Variants in SLC4A4 observed in about 807,000 individuals in gnomAD.
SLC4A4 encodes solute carrier family 4 member 4, also known as electrogenic sodium bicarbonate cotransporter 1.
In SLC4A4, 27 loss-of-function variants were observed where a neutral mutation model predicts 111.5. The observed-to-expected ratio is 0.24, with a 90% CI of 0.18 to 0.33. The LOEUF (loss-of-function observed/expected upper bound fraction) is 0.33, where lower values mean the gene tolerates loss of function less well. SLC4A4 is among the 10% of genes least tolerant of loss of function. The pLI, the probability that SLC4A4 is intolerant of heterozygous loss-of-function variation, is 1.00. For synonymous variants in SLC4A4, 443 were observed against 463.4 expected, an observed-to-expected ratio of 0.96 and a Z score of 0.57; for missense variants, 909 against 1,315.5, an observed-to-expected ratio of 0.69 and a Z score of 4.78.
intron 2 of SLC4A4, among the ~76,000 whole-genome samples, chr4:71,161,076 G>A (rs16845943): frequency 0.079 from 12,026 of 152,208 alleles, 775 homozygotes; most frequent in Admixed American, 0.22. Flanking sequence ...GCCAGAGGGC[G>A]GAGAGACTTC....
Position 71,397,606 on chromosome 4 carries a change from ACTTCCT to A in SLC4A4, c.762_767del (p.Ser256_Ser257del). 6.2e-7 allele frequency: 1 copy of A among 1,614,008 alleles called. No homozygotes were observed. The highest frequency in any genetic ancestry group is 1.7e-4 in the Middle Eastern group (1 of 6,060). ...CCCAGCCATGACCCATAGGAATCTGACTTCCTCCAGTCTGAATGACATTTCTGATAA... is the reference window on the plus strand; with the variant it reads ...CCCAGCCATGACCCATAGGAATCTGACCAGTCTGAATGACATTTCTGATAA... On this transcript the variant is annotated inframe_deletion, in exon 7 of 26. Coordinates refer to ENST00000264485, the MANE Select transcript of SLC4A4 (RefSeq NM_001098484.3).
chr4:71,282,885 T>A (rs1196669910), intron 3 of SLC4A4, among the ~76,000 whole-genome samples: 1 of 152,142 alleles, frequency 6.6e-6, no homozygotes, highest in Non-Finnish European at 1.5e-5. Context: ...TCAGATTTTT[T>A]AATTAGACCA....
chr4:71,263,925 G>C (rs1007125349), intron 3 of SLC4A4, among the ~76,000 whole-genome samples: 1 of 152,044 alleles, frequency 6.6e-6, no homozygotes, highest in Non-Finnish European at 1.5e-5. Flanking sequence ...TTTCTGAGTT[G>C]GAATAAGCCT....
chr4:71,553,638 G>A (rs1032333885), intron 20 of SLC4A4, among the ~76,000 whole-genome samples: 2 of 151,736 alleles, frequency 1.3e-5, no homozygotes, highest in African/African-American at 2.4e-5. Context: ...AGAAATATGG[G>A]AGATGTTTAA....
chr4:71,521,083 T>C (rs922765571), intron 16 of SLC4A4, among the ~76,000 whole-genome samples: 2 of 152,086 alleles, frequency 1.3e-5, no homozygotes, highest in East Asian at 1.9e-4. Flanking sequence ...AAGCAAAGGA[T>C]ATGCTCAAGT....
At chr4:71,109,010 T>C (rs1440205061) in intron 2 of SLC4A4, among the ~76,000 whole-genome samples, 1 of 152,168 alleles carries the variant, frequency 6.6e-6, no homozygotes, top group Admixed American at 6.5e-5. Context: ...TTTATATATA[T>C]TTTTTCTTTA....
chr4:71,204,916 A>G (rs1466492466), intron 1 of SLC4A4, among the ~76,000 whole-genome samples: 3 of 152,220 alleles, frequency 2.0e-5, no homozygotes. Flanking sequence ...GACAAAATAA[A>G]TATGGAATAA....
intron 2 of SLC4A4, among the ~76,000 whole-genome samples, chr4:71,254,734 C>T (rs190121080): frequency 2.0e-5 from 3 of 152,062 alleles, no homozygotes; most frequent in South Asian, 2.1e-4. Context: ...ATTTTTGCAG[C>T]GCCAGCAGCT....
intron 3 of SLC4A4, among the ~76,000 whole-genome samples, chr4:71,284,224 G>C (rs1723738449): frequency 6.6e-6 from 1 of 152,074 alleles, no homozygotes; most frequent in African/African-American, 2.4e-5. Context: ...AGAAAGACTT[G>C]GTTTCTACTT....
intron 17 of SLC4A4, among the ~76,000 whole-genome samples, chr4:71,532,462 T>A (rs552552900): frequency 6.6e-6 from 1 of 152,246 alleles, no homozygotes; most frequent in African/African-American, 2.4e-5. Flanking sequence ...ATTACCTTGA[T>A]CTATATAATG....
At chr4:71,385,953 G>T (rs990579510) in intron 6 of SLC4A4, among the ~76,000 whole-genome samples, 3 of 151,198 alleles carry the variant, frequency 2.0e-5, no homozygotes, top group African/African-American at 7.3e-5. Context: ...CCCTCATTTT[G>T]CTTATCACAC....
In SLC4A4 at chr4:71,102,201, C is replaced by T. The variant is rs1342338082; in HGVS notation, c.-2+9409C>T. ...GGAAGATGAAATGAATGAAATGAAG[C>T]GAGAAGGGAAGTTTAGAGAAAAAAG... On this transcript the variant is annotated intron_variant, in intron 2 of 26. Transcript: ENST00000649996. Among the ~76,000 whole-genome samples the T allele has an allele frequency of 1.9e-4, 29 of 149,382 alleles. 1 individual carries two copies. In the East Asian group the frequency reaches 2.2e-3, roughly 11 times the overall value.
At chr4:71,523,242 G>T (rs1299267668) in intron 16 of SLC4A4, among the ~76,000 whole-genome samples, 1 of 152,200 alleles carries the variant, frequency 6.6e-6, no homozygotes, top group South Asian at 2.1e-4. Flanking sequence ...CAAAGCAAAC[G>T]ACTCTGCTAT....
intron 4 of SLC4A4, among the ~76,000 whole-genome samples, chr4:71,340,714 G>A (rs999837135): frequency 2.0e-5 from 3 of 152,042 alleles, no homozygotes; most frequent in African/African-American, 7.2e-5. Flanking sequence ...CAAGACACTC[G>A]ATTTCCTAGA....
chr4:71,514,264 G>T (rs922861010), intron 16 of SLC4A4, among the ~76,000 whole-genome samples: 1 of 152,084 alleles, frequency 6.6e-6, no homozygotes, highest in Non-Finnish European at 1.5e-5. Flanking sequence ...CCCCCTTGCT[G>T]CTCTCATGAT....
At chr4:71,512,906 A>G (rs1236750481) in intron 16 of SLC4A4, among the ~76,000 whole-genome samples, 1 of 152,104 alleles carries the variant, frequency 6.6e-6, no homozygotes, top group Non-Finnish European at 1.5e-5. Context: ...ACCCAATGTA[A>G]GTTCTTGTCA....
At chr4:71,280,349 G>C (rs541517541) in intron 3 of SLC4A4, among the ~76,000 whole-genome samples, 2 of 152,186 alleles carry the variant, frequency 1.3e-5, no homozygotes, top group South Asian at 2.1e-4. Context: ...CATTTCATAG[G>C]TTGCTTATTT....
intron 15 of SLC4A4, among the ~76,000 whole-genome samples, chr4:71,489,045 G>T (rs1729670275): frequency 2.9e-5 from 2 of 68,768 alleles, no homozygotes; most frequent in East Asian, 5.6e-4. Context: ...ACTCAGAAAT[G>T]AGTTTTAAAT....
chr4:71,512,090 T>C (rs1731981645), intron 16 of SLC4A4, among the ~76,000 whole-genome samples: 1 of 152,144 alleles, frequency 6.6e-6, no homozygotes, highest in East Asian at 1.9e-4. Flanking sequence ...TGAGTGCAGA[T>C]TTCCTATCCC....
Sources: gnomAD v4.1 joint callset for allele counts (sites outside exome capture counted in the v4.1 genomes callset) on GRCh38, gnomAD v4.1.1 for gene constraint, MANE v1.5 for transcripts, NCBI Gene and HGNC (gene_info 2026-07-23, HGNC 2026-07-21) for gene names.